TDRD3: variants seen among roughly 807,000 people sequenced by gnomAD.
TDRD3 encodes the protein tudor domain-containing protein 3.
A neutral mutation model predicts 86.7 loss-of-function variants in TDRD3; 45 were observed. That is an observed-to-expected ratio of 0.52 (90% CI 0.41 to 0.67). The LOEUF (loss-of-function observed/expected upper bound fraction) is 0.67, where lower values mean the gene tolerates loss of function less well. Among genes scored for constraint, TDRD3 ranks in the 30% least tolerant of loss-of-function variants. The probability of loss-of-function intolerance (pLI) is 0.00; values close to 1 mark genes in which losing one functional copy is unlikely to be tolerated. For missense variants in TDRD3, 814 were observed against 889.0 expected (o/e 0.92, Z 1.07); for synonymous variants, 298 against 301.7 (o/e 0.99, Z 0.13).
intron 1 of TDRD3, among the ~76,000 whole-genome samples, chr13:60,416,994 C>CT (rs1401669725): frequency 6.6e-6 from 1 of 150,488 alleles, no homozygotes; most frequent in Non-Finnish European, 1.5e-5. Context: ...GTTCTTCTGA[C>CT]TTTAACTGAT....
At chr13:60,435,478 C>T (rs935511849) in intron 1 of TDRD3, among the ~76,000 whole-genome samples, 1 of 152,112 alleles carries the variant, frequency 6.6e-6, no homozygotes, top group African/African-American at 2.4e-5. Flanking sequence ...TGTATTTGCA[C>T]CCTCATGCCT....
intron 12 of TDRD3, among the ~76,000 whole-genome samples, chr13:60,554,847 C>T (rs1253944075): frequency 6.6e-6 from 1 of 152,108 alleles, no homozygotes; most frequent in African/African-American, 2.4e-5. Flanking sequence ...TAATCAGTTC[C>T]CCCAACCTCT....
At chr13:60,499,656 G>T (rs1379338362) in intron 8 of TDRD3, among the ~76,000 whole-genome samples, 1 of 152,208 alleles carries the variant, frequency 6.6e-6, no homozygotes, top group Non-Finnish European at 1.5e-5. Context: ...GCATGCCAGA[G>T]GATGGGAAAT....
chr13:60,559,971 G>A (rs181602289), intron 12 of TDRD3, among the ~76,000 whole-genome samples: 12 of 152,284 alleles, frequency 7.9e-5, no homozygotes, highest in South Asian at 2.1e-4. Flanking sequence ...TTATTTCACA[G>A]TGTATACATA....
intron 3 of TDRD3, among the ~76,000 whole-genome samples, 196 bp downstream of exon 3, chr13:60,444,944 A>G (rs1029430642): frequency 1.4e-5 from 2 of 146,890 alleles, no homozygotes; most frequent in African/African-American, 5.0e-5. Context: ...TTTCAACATT[A>G]AAAAAAAAAG....
chr13:60,472,102 C>A (rs1325326745), intron 5 of TDRD3, among the ~76,000 whole-genome samples: 1 of 152,062 alleles, frequency 6.6e-6, no homozygotes, highest in Non-Finnish European at 1.5e-5. Flanking sequence ...TTGTGAGATG[C>A]TTCCTCTGCG....
intron 1 of TDRD3, among the ~76,000 whole-genome samples, chr13:60,404,989 C>G (rs1954200235): frequency 6.6e-6 from 1 of 152,202 alleles, no homozygotes. Context: ...TCTCTTTTTG[C>G]CTGCTGCCAT....
In TDRD3 at chr13:60,567,890, A is replaced by AT. The variant is rs58242240; in HGVS notation, c.*9+258dup. 6.3e-3 allele frequency among the ~76,000 whole-genome samples: 834 copies of AT among 132,936 alleles called. 7 individuals are homozygous for AT. Among genetic ancestry groups the AT allele is most frequent in the East Asian group, 0.029 (130 of 4,472 alleles). The allele number at this position is 132,936 out of a possible 152,430, so 87.2% of individuals were successfully genotyped here. A position where few individuals can be genotyped will look rare whatever the true frequency, so the allele number is the denominator to read the frequency against. On this transcript the variant is annotated intron_variant, in intron 13 of 13. Coordinates refer to ENST00000377881, the MANE Select transcript of TDRD3 (RefSeq NM_001146070.2). ...AGGCATCCACCACCATGCCCAGCTG[A>AT]TTTTTTTTTTTTTTTTTTGTATTTT...
intron 1 of TDRD3, among the ~76,000 whole-genome samples, chr13:60,422,397 A>G (rs965241047): frequency 2.0e-5 from 3 of 152,166 alleles, no homozygotes; most frequent in African/African-American, 7.2e-5. Context: ...AAATGAACAA[A>G]ATATTTCTAA....
chr13:60,421,767 A>G (rs1954666934), intron 1 of TDRD3, among the ~76,000 whole-genome samples: 1 of 152,212 alleles, frequency 6.6e-6, no homozygotes, highest in African/African-American at 2.4e-5. Flanking sequence ...CTCCTGTGCC[A>G]ATCTTGTCCC....
chr13:60,532,156 T>G (rs1331039726), intron 11 of TDRD3, among the ~76,000 whole-genome samples: 1 of 152,154 alleles, frequency 6.6e-6, no homozygotes, highest in East Asian at 1.9e-4. Flanking sequence ...AGTACCAAAT[T>G]TATTGCCTCT....
chr13:60,469,421 CACACACACACACAT>C (rs1301272519), intron 5 of TDRD3, among the ~76,000 whole-genome samples: 1 of 149,444 alleles, frequency 6.7e-6, no homozygotes, highest in Non-Finnish European at 1.5e-5. Context: ...TTCTCACCAA[CACACACACACACAT>C]ACACACACAC....
At chr13:60,524,947 C>T (rs948606813) in intron 10 of TDRD3, among the ~76,000 whole-genome samples, 3 of 150,870 alleles carry the variant, frequency 2.0e-5, no homozygotes, top group Non-Finnish European at 4.4e-5. Context: ...ATTAGCCAGA[C>T]GTGGTGGCAG....
intron 10 of TDRD3, among the ~76,000 whole-genome samples, chr13:60,523,577 T>TC (rs2137740865): frequency 7.0e-6 from 1 of 142,876 alleles, no homozygotes; most frequent in East Asian, 2.0e-4. Flanking sequence ...ATTTTTCTTT[T>TC]TTTTTTTTTT....
chr13:60,572,951 T>C (rs1342268961), intron 13 of TDRD3, among the ~76,000 whole-genome samples: 1 of 152,196 alleles, frequency 6.6e-6, no homozygotes, highest in Non-Finnish European at 1.5e-5. Context: ...CTCTGTATTT[T>C]CTAAGCAGGA....
chr13:60,409,273 G>A (rs1954303938), intron 1 of TDRD3, among the ~76,000 whole-genome samples: 1 of 152,226 alleles, frequency 6.6e-6, no homozygotes, highest in South Asian at 2.1e-4. Flanking sequence ...TTAGTGTAGT[G>A]CAGAAGGGAA....
At chr13:60,418,073 G>A (rs997162002) in intron 1 of TDRD3, among the ~76,000 whole-genome samples, 4 of 152,014 alleles carry the variant, frequency 2.6e-5, no homozygotes, top group Non-Finnish European at 4.4e-5. Context: ...TAGATCTTTT[G>A]TCACCTACAG....
intron 5 of TDRD3, among the ~76,000 whole-genome samples, chr13:60,473,832 G>C (rs1037662020): frequency 6.6e-5 from 10 of 152,168 alleles, no homozygotes; most frequent in African/African-American, 2.4e-4. Flanking sequence ...CCCTCGCCTG[G>C]GAAGGTGCCG....
intron 12 of TDRD3, among the ~76,000 whole-genome samples, chr13:60,539,305 A>G (rs1195263118): frequency 6.6e-6 from 1 of 152,130 alleles, no homozygotes; most frequent in Non-Finnish European, 1.5e-5. Context: ...AAGATAAGAA[A>G]GTCATAGTTT....
Sources: gnomAD v4.1 joint callset for allele counts (sites outside exome capture counted in the v4.1 genomes callset) on GRCh38, gnomAD v4.1.1 for gene constraint, MANE v1.5 for transcripts, NCBI Gene and HGNC (gene_info 2026-07-23, HGNC 2026-07-21) for gene names.